The following DOCK10 variants were observed in gnomAD, a reference collection of about 807,000 sequenced individuals.
DOCK10 encodes the protein dedicator of cytokinesis protein 10.
DOCK10 carries 145 observed loss-of-function variants against 280.1 expected under a neutral mutation model. That is an observed-to-expected ratio of 0.52 (90% CI 0.45 to 0.59). DOCK10 has a LOEUF of 0.59. Ranked by LOEUF, DOCK10 falls within the 20% of genes least tolerant of loss-of-function variation. The probability of loss-of-function intolerance (pLI) is 0.00; values close to 1 mark genes in which losing one functional copy is unlikely to be tolerated. For missense variants in DOCK10, 2,368 were observed against 2,651.7 expected (o/e 0.89, Z 2.35); for synonymous variants, 915 against 942.2 (o/e 0.97, Z 0.53).
rs1690029701 is a variant in DOCK10 at position 224,765,307 on chromosome 2, A to G, written c.*414T>C. The stretch of plus-strand genomic sequence containing the variant: ...TTTTAGTACTGTCATAGTATTAACT[A>G]AAAAGGATCTTTTAAATTTGGTAAA... On this transcript the variant is annotated 3_prime_UTR_variant, in exon 56 of 56. Transcript: ENST00000258390. The G allele has an allele frequency of 6.4e-6, 1 of 155,422 alleles. No individual in the cohort carries two copies. The highest frequency in any genetic ancestry group is 1.4e-5 in the Non-Finnish European group (1 of 69,874). 9.6% of individuals were successfully genotyped at this position (155,422 alleles called of 1,614,324 possible).
intron 1 of DOCK10, chr2:225,010,545 C>T (rs1575163653): frequency 6.5e-6 from 1 of 154,356 alleles, no homozygotes; most frequent in East Asian, 1.9e-4. Context: ...CACTGGTACC[C>T]TAGCTGACAT....
intron 1 of DOCK10, among the ~76,000 whole-genome samples, chr2:224,991,352 T>C (rs59880211): frequency 0.029 from 4,386 of 152,288 alleles, 207 homozygotes; most frequent in African/African-American, 0.1. Context: ...ATTTTCTCCA[T>C]TGGCTAATAA....
At chr2:224,815,570 G>GA (rs1372447089) in intron 30 of DOCK10, among the ~76,000 whole-genome samples, 1 of 151,392 alleles carries the variant, frequency 6.6e-6, no homozygotes, top group Non-Finnish European at 1.5e-5. Flanking sequence ...TCATAAATTA[G>GA]AAAAAATTGG....
intron 1 of DOCK10, among the ~76,000 whole-genome samples, chr2:224,959,707 G>T (rs1180958245): frequency 6.6e-6 from 1 of 152,118 alleles, no homozygotes; most frequent in Non-Finnish European, 1.5e-5. Flanking sequence ...ATAATATCTT[G>T]CTAAAATCTG....
rs751270645 is a variant in DOCK10, at chr2:224,786,582, G to T, written c.5655+440C>A. Among the ~76,000 whole-genome samples the T allele has an allele frequency of 1.3e-5, 2 of 152,208 alleles. No homozygotes were observed. Among genetic ancestry groups the T allele is most frequent in the Non-Finnish European group, 2.9e-5 (2 of 68,026 alleles). ...GTGGTAGTTCGAAAATAGGAGAAAA[G>T]AAATTGTGTGATAGTAAAATCAAAG... On this transcript the variant is annotated intron_variant, in intron 50 of 55. Coordinates refer to ENST00000258390, the MANE Select transcript of DOCK10 (RefSeq NM_014689.3). The surrounding 1 kb of genome is among the most constrained non-coding windows in gnomAD (Gnocchi z 4.7).
chr2:224,916,540 CA>C (rs35956360), intron 3 of DOCK10, among the ~76,000 whole-genome samples, 154 bp downstream of exon 3: 3,306 of 110,758 alleles, frequency 0.03, 52 homozygotes, highest in African/African-American at 0.086. Flanking sequence ...CACCCTCCCT[CA>C]AAAAAAAAAA....
In DOCK10 at chr2:224,865,013, C is replaced by T. The variant is rs1697803813; in HGVS notation, c.1332G>A (p.Val444=). Residue 444 remains valine, a synonymous_variant, in exon 12 of 56, where the codon GTG becomes GTA. Transcript: ENST00000258390. ...DSRKISADFH[V]DLNHAAVRQM... is the part of the protein sequence containing the mutation. ...GTCTGACAGCAGCATGGTTTAGATC[C>T]ACATGAAAATCAGCAGAAATCTTCC... 1.2e-6 allele frequency: 2 copies of T among 1,613,758 alleles called. No individual in the cohort carries two copies.
intron 44 of DOCK10, among the ~76,000 whole-genome samples, chr2:224,795,760 T>A (rs1692523301): frequency 6.6e-6 from 1 of 152,198 alleles, no homozygotes; most frequent in African/African-American, 2.4e-5. Flanking sequence ...GAAGCCTGGC[T>A]CTAGACTTGG....
At chr2:224,941,466 G>A (rs943336989) in intron 1 of DOCK10, among the ~76,000 whole-genome samples, 6 of 152,144 alleles carry the variant, frequency 3.9e-5, no homozygotes, top group Non-Finnish European at 8.8e-5. Flanking sequence ...TGCAGCAAAC[G>A]GCAAGAGAAG....
chr2:224,765,846 A>G lies in DOCK10; in HGVS notation c.6445-9T>C. On this transcript the variant is annotated splice_polypyrimidine_tract_variant and intron_variant, in intron 55 of 55. Coordinates refer to ENST00000258390, the MANE Select transcript of DOCK10 (RefSeq NM_014689.3). ...TCGTCCCTGCCCGTAATCTTAAAAC[A>G]GGGAAAAACACAACACAACAGAATG... 6.2e-7 allele frequency: 1 copy of G among 1,606,558 alleles called. No homozygotes were observed. Among genetic ancestry groups the G allele is most frequent in the Non-Finnish European group, 8.5e-7 (1 of 1,173,882 alleles).
intron 11 of DOCK10, among the ~76,000 whole-genome samples, chr2:224,870,517 T>C (rs1698202402): frequency 6.6e-6 from 1 of 152,198 alleles, no homozygotes; most frequent in African/African-American, 2.4e-5. Context: ...CACTTTGCCA[T>C]GTCTACCAGA....
rs750128348 is a variant in DOCK10, at chr2:224,852,960, T to C, written c.2051A>G (p.Tyr684Cys). The change falls in exon 17 of 56, where the codon TAT becomes TGT. Residue 684 changes from tyrosine to cysteine, a missense_variant. By Grantham distance (194) the Tyr-to-Cys change is radical. Coordinates refer to ENST00000258390, the MANE Select transcript of DOCK10 (RefSeq NM_014689.3). ...CTTGTTGAAGCATTTCTGGCTATCA[T>C]ACTTGAGGTGTTTGGGGTAAATATA... ...QIYIYPKHLK[Y>C]DSQKCFNKAR... 1.9e-6 allele frequency: 3 copies of C among 1,605,566 alleles called. No homozygotes were observed. Among genetic ancestry groups the C allele is most frequent in the African/African-American group, 1.3e-5 (1 of 74,720 alleles).
chr2:224,885,246 C>T (rs541329747), intron 7 of DOCK10, among the ~76,000 whole-genome samples: 10 of 152,284 alleles, frequency 6.6e-5, no homozygotes, highest in East Asian at 3.9e-4. Flanking sequence ...GTGATCCACC[C>T]GCCTTGGCCT....
intron 47 of DOCK10, among the ~76,000 whole-genome samples, chr2:224,792,407 C>T (rs1034609347): frequency 6.6e-6 from 1 of 152,072 alleles, no homozygotes; most frequent in South Asian, 2.1e-4. Context: ...CTTCAGTCTC[C>T]CAAGTAGCTG....
chr2:224,815,134 CAGTA>C (rs573037005), intron 30 of DOCK10, among the ~76,000 whole-genome samples: 1 of 152,076 alleles, frequency 6.6e-6, no homozygotes, highest in African/African-American at 2.4e-5. Flanking sequence ...GTTCTCATGA[CAGTA>C]AGTGAGTTCT....
In DOCK10 at chr2:224,857,682, T is replaced by G. The variant is rs558080604; in HGVS notation, c.1686-700A>C. ...TCAGGCAATACTTGCTTCACATAGGTACCATGCTTAGATGTCAGTTTTACA... is the reference window on the plus strand; with the variant it reads ...TCAGGCAATACTTGCTTCACATAGGGACCATGCTTAGATGTCAGTTTTACA... On this transcript the variant is annotated intron_variant, in intron 14 of 55. Coordinates refer to ENST00000258390, the MANE Select transcript of DOCK10 (RefSeq NM_014689.3). Among the ~76,000 whole-genome samples, 3 of 152,284 alleles carry G rather than the reference T, an allele frequency of 2.0e-5. No individual in the cohort carries two copies. In the South Asian group the frequency reaches 6.2e-4, roughly 32 times the overall value.
chr2:224,964,940 T>TA (rs1478868974), intron 1 of DOCK10, among the ~76,000 whole-genome samples: 1 of 152,222 alleles, frequency 6.6e-6, no homozygotes, highest in Non-Finnish European at 1.5e-5. Context: ...TCCACTAAAC[T>TA]ACCAAGTTAT....
At chr2:224,843,656 A>C (rs759096802) in intron 22 of DOCK10, among the ~76,000 whole-genome samples, 4 of 152,184 alleles carry the variant, frequency 2.6e-5, no homozygotes, top group Non-Finnish European at 4.4e-5. Context: ...ATGAAGCAAA[A>C]AATGAAAAGC....
At chr2:224,905,082 G>A (rs1319777991) in intron 3 of DOCK10, among the ~76,000 whole-genome samples, 2 of 152,112 alleles carry the variant, frequency 1.3e-5, no homozygotes, top group East Asian at 3.9e-4. Context: ...GTCCAAATGT[G>A]CAAGGGAAGA....
Sources: gnomAD v4.1 joint callset for allele counts (sites outside exome capture counted in the v4.1 genomes callset) on GRCh38, gnomAD v4.1.1 for gene constraint, Gnocchi (gnomAD v3.1) non-coding constraint, MANE v1.5 for transcripts, NCBI Gene and HGNC (gene_info 2026-07-23, HGNC 2026-07-21) for gene names.